WDR49: variants seen among roughly 807,000 people sequenced by gnomAD.
WDR49 encodes WD repeat domain 49.
Under a neutral mutation model 119.5 loss-of-function variants are expected in WDR49, and 107 were observed. The observed-to-expected ratio is 0.90, with a 90% CI of 0.77 to 1.05. The LOEUF (loss-of-function observed/expected upper bound fraction) is 1.05, where lower values mean the gene tolerates loss of function less well. Ranked by LOEUF, WDR49 falls within the 50% of genes least tolerant of loss-of-function variation. The probability of loss-of-function intolerance (pLI) is 0.00; values close to 1 mark genes in which losing one functional copy is unlikely to be tolerated. For missense variants in WDR49, 1,240 were observed against 1,220.5 expected, an observed-to-expected ratio of 1.02 and a Z score of -0.24; for synonymous variants, 425 against 418.8, an observed-to-expected ratio of 1.01 and a Z score of -0.18.
chr3:167,515,938 C>T (rs557657452), intron 16 of WDR49, among the ~76,000 whole-genome samples: 4 of 152,174 alleles, frequency 2.6e-5, no homozygotes, highest in African/African-American at 9.6e-5. Flanking sequence ...AAGTGAAGAA[C>T]CCTCTTCAAG....
chr3:167,501,680 T>C (rs1751574498), intron 17 of WDR49, among the ~76,000 whole-genome samples: 1 of 152,150 alleles, frequency 6.6e-6, no homozygotes, highest in Non-Finnish European at 1.5e-5. Flanking sequence ...AAAATAAAGC[T>C]TCAGGAAGGA....
intron 2 of WDR49, among the ~76,000 whole-genome samples, chr3:167,638,864 C>T (rs1215203162): frequency 6.6e-6 from 1 of 151,496 alleles, no homozygotes; most frequent in Non-Finnish European, 1.5e-5. Context: ...AGGTTTGGAA[C>T]CAAACTCTCA....
intron 18 of WDR49, among the ~76,000 whole-genome samples, chr3:167,494,640 T>C (rs1751275652): frequency 6.6e-6 from 1 of 152,176 alleles, no homozygotes; most frequent in African/African-American, 2.4e-5. Flanking sequence ...GTTTTGGCAT[T>C]GCTAAGAAAC....
chr3:167,514,468 A>G (rs1193906607), intron 16 of WDR49, among the ~76,000 whole-genome samples: 2 of 152,156 alleles, frequency 1.3e-5, no homozygotes, highest in African/African-American at 4.8e-5. Flanking sequence ...GTTAACAGAA[A>G]AATTTACAGC....
chr3:167,528,381 AAAATCCCAAACT>A (rs1752712879), intron 14 of WDR49, among the ~76,000 whole-genome samples: 1 of 152,118 alleles, frequency 6.6e-6, no homozygotes, highest in African/African-American at 2.4e-5. Flanking sequence ...TAAAAAAGAA[AAAATCCCAAACT>A]AACTCAGGGT....
chr3:167,519,674 G>T (rs1376997747), intron 16 of WDR49, among the ~76,000 whole-genome samples: 6 of 151,554 alleles, frequency 4.0e-5, no homozygotes, highest in Non-Finnish European at 8.9e-5. Flanking sequence ...ATGAAAAATT[G>T]CTACTGCATG....
At chr3:167,580,144 A>T (rs1455820494) in intron 7 of WDR49, among the ~76,000 whole-genome samples, 1 of 152,090 alleles carries the variant, frequency 6.6e-6, no homozygotes, top group Non-Finnish European at 1.5e-5. Flanking sequence ...AAAACTAGAA[A>T]TTTTTTTCAG....
chr3:167,554,635 C>A lies in WDR49; in HGVS notation c.1823+15G>T. ...TTTTAGATTTTGATTAAAATAAAAA[C>A]ATTCTCCTTTTTACCTTCCTATAGT... On this transcript the variant is annotated intron_variant, in intron 10 of 18. Transcript: ENST00000682715. 1.4e-6 allele frequency: 2 copies of A among 1,410,392 alleles called. No homozygotes were observed. The highest frequency in any genetic ancestry group is 1.9e-6 in the Non-Finnish European group (2 of 1,025,812). 87.4% of individuals were successfully genotyped at this position (1,410,392 alleles called of 1,614,324 possible).
At chr3:167,560,282 T>C in intron 8 of WDR49, 54 bp from the exon 9 acceptor site, 1 of 1,529,452 alleles carries the variant, frequency 6.5e-7, no homozygotes, top group Non-Finnish European at 8.9e-7. Flanking sequence ...AATCAACCAT[T>C]TATATTTCAA....
chr3:167,554,866 A>G, intron 9 of WDR49, 68 bp from the exon 10 acceptor site: 1 of 1,176,692 alleles, frequency 8.5e-7, no homozygotes, highest in Non-Finnish European at 1.2e-6. Context: ...AACCAGGATT[A>G]ATTCATTTAG....
At chr3:167,576,388 T>C (rs1481006862) in intron 7 of WDR49, among the ~76,000 whole-genome samples, 1 of 152,166 alleles carries the variant, frequency 6.6e-6, no homozygotes, top group Non-Finnish European at 1.5e-5. Context: ...CAGTCCCTGG[T>C]ATAAGGCTTG....
intron 3 of WDR49, among the ~76,000 whole-genome samples, chr3:167,622,021 C>T (rs1200663246): frequency 6.6e-6 from 1 of 152,064 alleles, no homozygotes; most frequent in African/African-American, 2.4e-5. Flanking sequence ...TAGAGACTTT[C>T]ATGGAAATCA....
chr3:167,597,671 C>T (rs1251114372), intron 7 of WDR49, among the ~76,000 whole-genome samples: 1 of 152,160 alleles, frequency 6.6e-6, no homozygotes, highest in Non-Finnish European at 1.5e-5. Context: ...GCCAGGGAGC[C>T]CACCCCTTGC....
chr3:167,489,302 C>T (rs1263087382), intron 18 of WDR49, among the ~76,000 whole-genome samples: 4 of 152,034 alleles, frequency 2.6e-5, no homozygotes, highest in Non-Finnish European at 5.9e-5. Flanking sequence ...GGTTGGCTCA[C>T]TCCTCACCCT....
At chr3:167,509,284 C>T (rs1751879519) in intron 16 of WDR49, among the ~76,000 whole-genome samples, 1 of 151,980 alleles carries the variant, frequency 6.6e-6, no homozygotes, top group African/African-American at 2.4e-5. Flanking sequence ...TTTTACTTAA[C>T]ATTAGAGACA....
At chr3:167,607,618 G>T (rs559139008) in intron 5 of WDR49, among the ~76,000 whole-genome samples, 1 of 152,246 alleles carries the variant, frequency 6.6e-6, no homozygotes, top group South Asian at 2.1e-4. Flanking sequence ...ACCCAGTCCT[G>T]TGTGGCTGTC....
chr3:167,484,918 C>T (rs561729794), intron 18 of WDR49, among the ~76,000 whole-genome samples: 2 of 152,148 alleles, frequency 1.3e-5, no homozygotes, highest in East Asian at 3.9e-4. Context: ...GCACTGTTCA[C>T]AATAGCAAAG....
At position 167,576,142 on chromosome 3, in the gene WDR49, G is replaced by A; in HGVS notation, c.1285C>T (p.Leu429Phe). 1 of 1,613,604 alleles carries A rather than the reference G, an allele frequency of 6.2e-7. No homozygotes were observed. The highest frequency in any genetic ancestry group is 8.5e-7 in the Non-Finnish European group (1 of 1,179,756). Residue 429 changes from leucine to phenylalanine, a missense_variant, in exon 8 of 19, where the codon CTC (leucine) becomes TTC (phenylalanine). Physicochemically the swap from Leu to Phe is conservative, Grantham distance 22 (BLOSUM62 0). Transcript: ENST00000682715. ...GACAGCTGGTGTTGAATATCCCAGA[G>A]TCTCAAAACCTGGATGAAAAGTGAT... Reference protein sequence around the residue: ...FSFSKDKVLRLWDIQHQLSIQ... With the variant: ...FSFSKDKVLRFWDIQHQLSIQ...
In WDR49 at chr3:167,532,499, C is replaced by T. The variant is rs143181625; in HGVS notation, c.2053+380G>A. 5.9e-3 allele frequency among the ~76,000 whole-genome samples: 905 copies of T among 152,182 alleles called. 9 individuals carry two copies. The highest frequency in any genetic ancestry group is 0.02 in the African/African-American group (828 of 41,516). On this transcript the variant is annotated intron_variant, in intron 12 of 18. Transcript: ENST00000682715. Reference sequence around the variant, plus strand: ...ATTTATTACAAGCTCTAGATTGAGTCTGAACAGCCTATCGAGTGAACATGA... The same window carrying T: ...ATTTATTACAAGCTCTAGATTGAGTTTGAACAGCCTATCGAGTGAACATGA...
Sources: gnomAD v4.1 joint callset for allele counts (sites outside exome capture counted in the v4.1 genomes callset) on GRCh38, gnomAD v4.1.1 for gene constraint, MANE v1.5 for transcripts, NCBI Gene and HGNC (gene_info 2026-07-23, HGNC 2026-07-21) for gene names.